Variants in ANK1 observed in about 807,000 individuals in gnomAD.
ANK1 encodes the protein ankyrin-1.
Under a neutral mutation model 210.4 loss-of-function variants are expected in ANK1, and 51 were observed. The ratio of observed to expected loss-of-function variants is 0.24; its 90% CI spans 0.19 to 0.31. The LOEUF is 0.31. Ranked by LOEUF, ANK1 falls within the 10% of genes least tolerant of loss-of-function variation. The pLI is 1.00. For synonymous variants in ANK1, 967 were observed against 1,025.9 expected, an observed-to-expected ratio of 0.94 and a Z score of 1.10; for missense variants, 2,051 against 2,504.4, an observed-to-expected ratio of 0.82 and a Z score of 3.86.
Position 41,704,514 on chromosome 8 carries a change from C to T in ANK1, c.2098-42G>A, listed in dbSNP as rs1824018823. 3 of 1,533,308 alleles carry T rather than the reference C, an allele frequency of 2.0e-6. No homozygotes were observed. The allele number at this position is 1,533,308 out of a possible 1,614,324, so 95.0% of individuals were successfully genotyped here. On this transcript the variant is annotated intron_variant, in intron 18 of 42. Coordinates refer to ENST00000289734, the MANE Select transcript of ANK1 (RefSeq NM_000037.4). This position sits in a 1 kb window ranked among gnomAD's most constrained non-coding sequence, Gnocchi z 4.1. ...AAGGAGTGACCGGAGCTGTCCTGAG[C>T]TGGGCATCACATGAAATCCTTCCCA...
chr8:41,775,370 T>C (rs1031189785), intron 1 of ANK1, among the ~76,000 whole-genome samples: 3 of 152,158 alleles, frequency 2.0e-5, no homozygotes, highest in African/African-American at 7.2e-5. Flanking sequence ...CCAGAGGGGC[T>C]TGTGACCCTG....
At position 41,663,656 on chromosome 8, in the gene ANK1, C is replaced by G; in HGVS notation, c.5478+3G>C. 1 of 1,613,624 alleles carries G rather than the reference C, an allele frequency of 6.2e-7. No homozygotes were observed. The highest frequency in any genetic ancestry group is 8.5e-7 in the Non-Finnish European group (1 of 1,179,532). On this transcript the variant is annotated splice_donor_region_variant and intron_variant, in intron 40 of 42. Transcript: ENST00000289734. ...AGCACAGAGGGGAACACTCTGCACC[C>G]ACCTTCTTGGTGACAATGTTGCCCT...
rs768093486 is a variant in ANK1, at chr8:41,693,865, C to T, written c.3532+33G>A. The T allele has an allele frequency of 9.5e-6, 15 of 1,576,502 alleles. 1 individual carries two copies. In the Admixed American group the frequency reaches 1.9e-4, roughly 20 times the overall value. On this transcript the variant is annotated intron_variant, in intron 29 of 42. Transcript: ENST00000289734. ...TGTGTTCCAGACGCACTGCAGCAGCCGAGAACAGAAGCGAGGCAGGGGCCC... is the reference window on the plus strand; with the variant it reads ...TGTGTTCCAGACGCACTGCAGCAGCTGAGAACAGAAGCGAGGCAGGGGCCC...
chr8:41,682,578 C>T lies in ANK1; in HGVS notation c.4537+1966G>A, dbSNP rs79558604. 5.1e-4 allele frequency among the ~76,000 whole-genome samples: 78 copies of T among 152,368 alleles called. 2 individuals are homozygous for T. In the East Asian group the frequency reaches 0.014, roughly 28 times the overall value. On this transcript the variant is annotated intron_variant, in intron 37 of 42. Coordinates refer to ENST00000289734, the MANE Select transcript of ANK1 (RefSeq NM_000037.4). ...CTGACCCCCTGAAGCAGAGCCCTTT[C>T]AGCAGACATGGAGTGCACAGGCCCA...
rs1029630144 is a variant in ANK1 at position 41,672,423 on chromosome 8, T to C, written c.5027A>G (p.His1676Arg). The C allele has an allele frequency of 1.2e-6, 2 of 1,614,240 alleles. No individual in the cohort carries two copies. Among genetic ancestry groups the C allele is most frequent in the South Asian group, 1.1e-5 (1 of 91,086 alleles). ...SENEVSLVSG[H>R]QRGQARITHS... ...TGTGATTCGGGCTTGCCCCCTCTGA[T>C]GGCCTGAAACAAGAGACACTTCATT... The change falls in exon 38 of 43, where the codon CAT (histidine) becomes CGT (arginine). Residue 1676 changes from histidine to arginine, a missense_variant. Transcript: ENST00000289734.
Position 41,758,022 on chromosome 8 carries a change from T to C in ANK1, c.129+14A>G, listed in dbSNP as rs1037996119. 1.9e-6 allele frequency: 3 copies of C among 1,609,828 alleles called. No individual in the cohort carries two copies. The highest frequency in any genetic ancestry group is 3.3e-4 in the Middle Eastern group (2 of 6,048). On this transcript the variant is annotated intron_variant, in intron 2 of 42. Coordinates refer to ENST00000289734, the MANE Select transcript of ANK1 (RefSeq NM_000037.4). ...ACTCTTCAGAGACAACAGGCCTGCC[T>C]CCATCCCACTTACCTGGTTACAGGT...
At chr8:41,690,727 G>A (rs1819052365) in intron 31 of ANK1, 128 bp from the exon 32 acceptor site, 1 of 1,433,678 alleles carries the variant, frequency 7.0e-7, no homozygotes, top group Non-Finnish European at 9.6e-7. Context: ...GGTGTGTGCT[G>A]AGAAATCCAC....
At chr8:41,695,149 A>AC in intron 27 of ANK1, 28 bp downstream of exon 27, 1 of 1,613,474 alleles carries the variant, frequency 6.2e-7, no homozygotes, top group Non-Finnish European at 8.5e-7. Context: ...CAAGGAGGGG[A>AC]CCCAGCCCTG....
intron 1 of ANK1, among the ~76,000 whole-genome samples, chr8:41,759,421 G>A (rs1360477989): frequency 6.6e-6 from 1 of 152,066 alleles, no homozygotes; most frequent in African/African-American, 2.4e-5. Context: ...CAGGAGAATC[G>A]CTTGAACCCG....
In ANK1 at chr8:41,719,183, T is replaced by C. The variant is rs113120258; in HGVS notation, c.1107+478A>G. On this transcript the variant is annotated intron_variant, in intron 10 of 42. Transcript: ENST00000289734. ...GAGGCAGAGGAACCACAGGAGGGAT[T>C]TGCTCTGGGCCTGAGCTTCCCTTTA... Among the ~76,000 whole-genome samples the C allele has an allele frequency of 1.6e-3, 245 of 152,278 alleles. 1 individual carries two copies. Among genetic ancestry groups the C allele is most frequent in the African/African-American group, 5.2e-3 (217 of 41,552 alleles).
chr8:41,806,044 C>CAAGAGAGGG (rs1850920617), intron 1 of ANK1, among the ~76,000 whole-genome samples: 1 of 152,162 alleles, frequency 6.6e-6, no homozygotes, highest in African/African-American at 2.4e-5. Context: ...TTTACACTTG[C>CAAGAGAGGG]AAGAGAGGGA....
intron 38 of ANK1, among the ~76,000 whole-genome samples, chr8:41,671,266 C>T (rs1009244308): frequency 1.3e-5 from 2 of 152,204 alleles, no homozygotes; most frequent in African/African-American, 4.8e-5. Context: ...CCAGCCCCTC[C>T]TTCAAAGGGG....
At chr8:41,835,138 G>A (rs1807406576) in intron 1 of ANK1, among the ~76,000 whole-genome samples, 1 of 152,230 alleles carries the variant, frequency 6.6e-6, no homozygotes, top group Non-Finnish European at 1.5e-5. Flanking sequence ...CCATTGGAGG[G>A]CCGGGGGTCC....
At chr8:41,867,783 T>C (rs980445298) in intron 1 of ANK1, among the ~76,000 whole-genome samples, 2 of 152,146 alleles carry the variant, frequency 1.3e-5, no homozygotes, top group Non-Finnish European at 2.9e-5. Flanking sequence ...GTATCCCCAA[T>C]ACCTAGCACA....
intron 1 of ANK1, among the ~76,000 whole-genome samples, chr8:41,827,702 T>TCACACACATCCACA: frequency 8.1e-6 from 1 of 122,990 alleles, no homozygotes; most frequent in Admixed American, 8.7e-5. Context: ...TCACACACAC[T>TCACACACATCCACA]CACACGCACA....
intron 1 of ANK1, among the ~76,000 whole-genome samples, chr8:41,761,543 C>G (rs570801211): frequency 6.6e-6 from 1 of 152,276 alleles, no homozygotes; most frequent in South Asian, 2.1e-4. Context: ...GGGAGTGTGT[C>G]CCTGTGGAGG....
chr8:41,743,425 C>A (rs532253567), intron 2 of ANK1, among the ~76,000 whole-genome samples: 3 of 152,300 alleles, frequency 2.0e-5, no homozygotes, highest in African/African-American at 7.2e-5. Flanking sequence ...TTCCTCAAAT[C>A]GCCTACATCA....
rs754151135 is a variant in ANK1, at chr8:41,714,163, G to C, written c.1793C>G (p.Pro598Arg). 4.3e-6 allele frequency: 6 copies of C among 1,410,838 alleles called. No individual in the cohort carries two copies. The East Asian group carries it at 1.3e-4, about 29-fold the overall frequency. The allele number at this position is 1,410,838 out of a possible 1,614,324, so 87.4% of individuals were successfully genotyped here. ...LLPRGGSPHS[P>R]AWNGYTPLHI... ...GAGAGGGGCGGGCCTTACCCAGGCA[G>C]GGCTGTGCGGGGAGCCGCCCCGGGG... The change falls in exon 16 of 43, where the codon CCT (proline) becomes CGT (arginine). Residue 598 changes from proline to arginine, a missense_variant. Transcript: ENST00000289734.
chr8:41,695,247 G>A lies in ANK1; in HGVS notation c.3045C>T (p.Ser1015=), dbSNP rs112451551. The part of the protein sequence containing the change: ...ELVVLRSENG[S]VWKEHRSRYG... The stretch of plus-strand genomic sequence containing the variant: ...AGCGGCTCCTGTGCTCCTTCCACAC[G>A]GAGCCGTTTTCGCTCCTCAGAACCA... The change falls in exon 27 of 43, where the codon TCC becomes TCT. Residue 1015 remains serine (S), a synonymous_variant. Transcript: ENST00000289734. 210 of 1,613,894 alleles carry A rather than the reference G, an allele frequency of 1.3e-4. No individual in the cohort carries two copies. Among genetic ancestry groups the A allele is most frequent in the Non-Finnish European group, 1.7e-4 (196 of 1,180,026 alleles).
Sources: gnomAD v4.1 joint callset for allele counts (sites outside exome capture counted in the v4.1 genomes callset) on GRCh38, gnomAD v4.1.1 for gene constraint, Gnocchi (gnomAD v3.1) non-coding constraint, MANE v1.5 for transcripts, NCBI Gene and HGNC (gene_info 2026-07-23, HGNC 2026-07-21) for gene names.